KCNMB2: variants seen among roughly 807,000 people sequenced by gnomAD.
KCNMB2 encodes potassium calcium-activated channel subfamily M regulatory beta subunit 2.
In KCNMB2, 9 loss-of-function variants were observed where a neutral mutation model predicts 24.5. That is an observed-to-expected ratio of 0.37 (90% CI 0.22 to 0.64). KCNMB2 has a LOEUF of 0.64. Ranked by LOEUF, KCNMB2 falls within the 30% of genes least tolerant of loss-of-function variation. KCNMB2 has a pLI of 0.63. For synonymous variants in KCNMB2, 109 were observed against 104.4 expected, an observed-to-expected ratio of 1.04 and a Z score of -0.27; for missense variants, 226 against 284.3, an observed-to-expected ratio of 0.79 and a Z score of 1.47.
At chr3:178,689,677 T>A (rs1721599060) in intron 1 of KCNMB2, among the ~76,000 whole-genome samples, 1 of 152,164 alleles carries the variant, frequency 6.6e-6, no homozygotes, top group Non-Finnish European at 1.5e-5. Context: ...CCAGATGATC[T>A]GATTTAACAC....
intron 1 of KCNMB2, among the ~76,000 whole-genome samples, chr3:178,749,518 C>T (rs1417471589): frequency 6.6e-6 from 1 of 152,232 alleles, no homozygotes; most frequent in East Asian, 1.9e-4. Flanking sequence ...TTCTGGATAC[C>T]TATATCATAG....
chr3:178,570,301 T>A (rs958428640), intron 1 of KCNMB2, among the ~76,000 whole-genome samples: 1 of 152,238 alleles, frequency 6.6e-6, no homozygotes, highest in African/African-American at 2.4e-5. Context: ...TTTTATACAT[T>A]TTTTTAAATC....
intron 1 of KCNMB2, among the ~76,000 whole-genome samples, chr3:178,652,242 C>T (rs187062105): frequency 6.6e-6 from 1 of 152,056 alleles, no homozygotes; most frequent in African/African-American, 2.4e-5. Context: ...AACAAACAAC[C>T]CCATCAAAAA....
chr3:178,778,026 T>A (rs973944456), intron 1 of KCNMB2, among the ~76,000 whole-genome samples: 1 of 152,190 alleles, frequency 6.6e-6, no homozygotes. Context: ...TGCAGCTGCA[T>A]TTCCTTTTGT....
chr3:178,581,543 T>C (rs566615838), intron 1 of KCNMB2, among the ~76,000 whole-genome samples: 1 of 152,316 alleles, frequency 6.6e-6, no homozygotes, highest in South Asian at 2.1e-4. Flanking sequence ...AAAGAGCTTC[T>C]GCACAGCAAA....
At chr3:178,667,160 G>A (rs1036762346) in intron 1 of KCNMB2, among the ~76,000 whole-genome samples, 1 of 151,968 alleles carries the variant, frequency 6.6e-6, no homozygotes, top group Admixed American at 6.6e-5. Flanking sequence ...AAGTAACTAA[G>A]TTAAAATGAG....
Position 178,652,664 on chromosome 3 carries a change from C to CTTT in KCNMB2, c.-68+115965_-68+115967dup, listed in dbSNP as rs3052276. The stretch of plus-strand genomic sequence containing the variant: ...TTCTGGACCTCTAGTTCTCTATATA[C>CTTT]TTTTTTTTTTTTTTGAGACAAGAGT... On this transcript the variant is annotated intron_variant, in intron 1 of 4. Coordinates refer to ENST00000452583, the MANE Select transcript of KCNMB2 (RefSeq NM_181361.3). Among the ~76,000 whole-genome samples, 155 of 136,988 alleles carry CTTT rather than the reference C, an allele frequency of 1.1e-3. 5 individuals carry two copies. Among genetic ancestry groups the CTTT allele is most frequent in the African/African-American group, 3.6e-3 (133 of 36,574 alleles). The allele number at this position is 136,988 out of a possible 152,430, so 89.9% of individuals were successfully genotyped here.
chr3:178,697,798 T>C lies in KCNMB2; in HGVS notation c.-67-109545T>C, dbSNP rs182321712. Among the ~76,000 whole-genome samples, 209 of 152,334 alleles carry C rather than the reference T, an allele frequency of 1.4e-3. 1 individual carries two copies. The highest frequency in any genetic ancestry group is 4.7e-3 in the African/African-American group (196 of 41,580). On this transcript the variant is annotated intron_variant, in intron 1 of 4. Coordinates refer to ENST00000452583, the MANE Select transcript of KCNMB2 (RefSeq NM_181361.3). ...AGAAGCTCTTATAAGGCAGGTCTTG[T>C]GGTAACAAATTCCGTCAGCATTTGC...
intron 1 of KCNMB2, among the ~76,000 whole-genome samples, chr3:178,598,372 A>C (rs1393981970): frequency 6.6e-6 from 1 of 151,944 alleles, no homozygotes; most frequent in East Asian, 1.9e-4. Flanking sequence ...AGATAGAGTG[A>C]CCAGATTTCT....
intron 1 of KCNMB2, among the ~76,000 whole-genome samples, chr3:178,559,265 G>T (rs982027381): frequency 2.0e-5 from 3 of 152,016 alleles, no homozygotes; most frequent in African/African-American, 7.3e-5. Flanking sequence ...TTCTTAGTTG[G>T]ATTTAGGGTT....
At chr3:178,563,948 C>G (rs1029694733) in intron 1 of KCNMB2, among the ~76,000 whole-genome samples, 1 of 152,124 alleles carries the variant, frequency 6.6e-6, no homozygotes, top group African/African-American at 2.4e-5. Context: ...AGAGTCACAA[C>G]AAGAAGACTG....
chr3:178,745,860 C>T (rs1723649934), intron 1 of KCNMB2, among the ~76,000 whole-genome samples: 1 of 152,224 alleles, frequency 6.6e-6, no homozygotes, highest in Non-Finnish European at 1.5e-5. Flanking sequence ...CCAGGTCACG[C>T]TGATGCAAGA....
chr3:178,745,338 C>G (rs569393807), intron 1 of KCNMB2, among the ~76,000 whole-genome samples: 16 of 152,072 alleles, frequency 1.1e-4, no homozygotes, highest in Admixed American at 1.0e-3. Context: ...GGAGAACTCC[C>G]CCTTATAATA....
intron 1 of KCNMB2, among the ~76,000 whole-genome samples, chr3:178,721,600 T>G (rs1314229506): frequency 6.6e-6 from 1 of 152,214 alleles, no homozygotes; most frequent in Non-Finnish European, 1.5e-5. Flanking sequence ...CAGAGCGCAA[T>G]TACTGGGTTC....
At position 178,580,881 on chromosome 3, in the gene KCNMB2, T is replaced by C. The variant is rs567589662; in HGVS notation, c.-68+44170T>C. Among the ~76,000 whole-genome samples the C allele has an allele frequency of 4.6e-5, 7 of 152,194 alleles. No individual in the cohort carries two copies. In the East Asian group the frequency reaches 7.7e-4, roughly 17 times the overall value. ...GGAAATAAGAGAGGACACAAACAAATAGAAAAACATTCCATGCTCATGGAT... is the reference window on the plus strand; with the variant it reads ...GGAAATAAGAGAGGACACAAACAAACAGAAAAACATTCCATGCTCATGGAT... On this transcript the variant is annotated intron_variant, in intron 1 of 4. Coordinates refer to ENST00000452583, the MANE Select transcript of KCNMB2 (RefSeq NM_181361.3).
At chr3:178,621,285 C>T (rs1458545953) in intron 1 of KCNMB2, among the ~76,000 whole-genome samples, 1 of 151,976 alleles carries the variant, frequency 6.6e-6, no homozygotes, top group African/African-American at 2.4e-5. Context: ...CTCTTATTCT[C>T]TCCATTTTAG....
chr3:178,776,621 CA>C (rs1712590452), intron 1 of KCNMB2, among the ~76,000 whole-genome samples: 1 of 152,158 alleles, frequency 6.6e-6, no homozygotes, highest in Non-Finnish European at 1.5e-5. Flanking sequence ...ATGGTCTTCA[CA>C]AGGCAGGTGG....
chr3:178,797,279 G>A (rs1713587861), intron 1 of KCNMB2, among the ~76,000 whole-genome samples: 1 of 152,086 alleles, frequency 6.6e-6, no homozygotes, highest in Admixed American at 6.6e-5. Flanking sequence ...GGACCTAATG[G>A]CTTCACTGCT....
intron 2 of KCNMB2, among the ~76,000 whole-genome samples, chr3:178,817,227 A>ATATATAT (rs1408060884): frequency 3.4e-5 from 5 of 148,362 alleles, no homozygotes; most frequent in African/African-American, 1.0e-4. Flanking sequence ...ATATATATAT[A>ATATATAT]AATGAAGTGT....
Sources: allele counts gnomAD v4.1 joint callset (sites outside exome capture counted in the v4.1 genomes callset), GRCh38; gene constraint gnomAD v4.1.1; transcripts MANE v1.5; gene names NCBI Gene and HGNC (gene_info 2026-07-23, HGNC 2026-07-21).